GABBR2: variants seen among roughly 807,000 people sequenced by gnomAD.
GABBR2 encodes G-protein coupled receptor 51.
A neutral mutation model predicts 105.6 loss-of-function variants in GABBR2; 23 were observed. The observed-to-expected ratio is 0.22, with a 90% CI of 0.16 to 0.31. The LOEUF is 0.31. GABBR2 is among the 10% of genes least tolerant of loss of function. The pLI, the probability that GABBR2 is intolerant of heterozygous loss-of-function variation, is 1.00. For synonymous variants in GABBR2, 478 were observed against 499.7 expected (o/e 0.96, Z 0.58); for missense variants, 734 against 1,245.5 (o/e 0.59, Z 6.18).
At chr9:98,489,660 T>C (rs540342914) in intron 4 of GABBR2, among the ~76,000 whole-genome samples, 1 of 152,278 alleles carries the variant, frequency 6.6e-6, no homozygotes, top group African/African-American at 2.4e-5. Flanking sequence ...TAATATCAAC[T>C]ACTGATTTTT....
At chr9:98,512,313 C>A (rs1266623579) in intron 3 of GABBR2, among the ~76,000 whole-genome samples, 1 of 148,620 alleles carries the variant, frequency 6.7e-6, no homozygotes, top group Non-Finnish European at 1.5e-5. Context: ...ATTGAATGGG[C>A]AAAAACTGGA....
intron 3 of GABBR2, among the ~76,000 whole-genome samples, chr9:98,536,075 G>A (rs1296400959): frequency 6.6e-6 from 1 of 152,110 alleles, no homozygotes; most frequent in Non-Finnish European, 1.5e-5. Context: ...GTGCCTGTGT[G>A]GGGGCAGGGA....
intron 1 of GABBR2, among the ~76,000 whole-genome samples, chr9:98,618,515 TCTCTC>T (rs1303589861): frequency 6.6e-6 from 1 of 150,502 alleles, no homozygotes; most frequent in Non-Finnish European, 1.5e-5. Context: ...TCTCTCTCTC[TCTCTC>T]TGTCTCTCTG....
At chr9:98,546,839 T>C (rs1477645134) in intron 2 of GABBR2, among the ~76,000 whole-genome samples, 1 of 123,418 alleles carries the variant, frequency 8.1e-6, no homozygotes, top group Admixed American at 8.8e-5. Context: ...CAACTTTGTA[T>C]CTATTCTTCT....
At chr9:98,385,923 C>T in intron 10 of GABBR2, 151 bp from the exon 11 acceptor site, 1 of 632,316 alleles carries the variant, frequency 1.6e-6, no homozygotes. Context: ...CCTCAGGGGA[C>T]ACATCAGCAG....
chr9:98,498,252 G>T (rs1353179524), intron 3 of GABBR2, among the ~76,000 whole-genome samples: 1 of 152,072 alleles, frequency 6.6e-6, no homozygotes, highest in Non-Finnish European at 1.5e-5. Context: ...GGGAGTGATT[G>T]TTTAATGGGC....
intron 1 of GABBR2, among the ~76,000 whole-genome samples, chr9:98,584,457 A>G: frequency 6.6e-6 from 1 of 152,142 alleles, no homozygotes; most frequent in African/African-American, 2.4e-5. Flanking sequence ...TTCCACTGCC[A>G]AGGGCTTCTC....
At chr9:98,349,349 G>GTTTTTTTTTTT (rs1182072320) in intron 13 of GABBR2, among the ~76,000 whole-genome samples, 7 of 24,218 alleles carry the variant, frequency 2.9e-4, no homozygotes, top group East Asian at 8.7e-4. Context: ...TTGAAGTTTT[G>GTTTTTTTTTTT]TTTTTTTTTT....
At chr9:98,303,097 TG>T in intron 16 of GABBR2, 143 bp downstream of exon 16, 1 of 605,836 alleles carries the variant, frequency 1.7e-6, no homozygotes, top group Non-Finnish European at 2.9e-6. Context: ...ATGTCACCCC[TG>T]GCTCTCGCAG....
intron 6 of GABBR2, among the ~76,000 whole-genome samples, chr9:98,457,490 G>A (rs1271220353): frequency 6.6e-6 from 1 of 152,140 alleles, no homozygotes; most frequent in Non-Finnish European, 1.5e-5. Context: ...ATTTGGCCTT[G>A]AGGTCAACAA....
intron 4 of GABBR2, 103 bp downstream of exon 4, chr9:98,496,310 T>C: frequency 2.6e-6 from 2 of 764,576 alleles, no homozygotes; most frequent in Non-Finnish European, 4.7e-6. Flanking sequence ...GGAAATGAAC[T>C]TGAGACCCAG....
At chr9:98,343,821 G>A (rs1225362457) in intron 13 of GABBR2, among the ~76,000 whole-genome samples, 1 of 151,870 alleles carries the variant, frequency 6.6e-6, no homozygotes, top group East Asian at 1.9e-4. Context: ...TTGCCCCACT[G>A]CACTCCAGCC....
chr9:98,377,259 G>C (rs895828533), intron 11 of GABBR2, among the ~76,000 whole-genome samples: 1 of 152,122 alleles, frequency 6.6e-6, no homozygotes, highest in African/African-American at 2.4e-5. Context: ...GGGGGCTGCT[G>C]TGTGCCTTCA....
At chr9:98,520,342 C>T (rs1827842468) in intron 3 of GABBR2, among the ~76,000 whole-genome samples, 1 of 152,196 alleles carries the variant, frequency 6.6e-6, no homozygotes, top group African/African-American at 2.4e-5. Flanking sequence ...CAGGAGAATG[C>T]TACTCTATAC....
At chr9:98,407,093 G>A (rs4742727) in intron 7 of GABBR2, among the ~76,000 whole-genome samples, 70,576 of 152,032 alleles carry the variant, frequency 0.46, 17,227 homozygotes, top group African/African-American at 0.59. Flanking sequence ...ACTTCACTGT[G>A]GCATGTTGCT....
At chr9:98,597,636 A>T (rs1829257622) in intron 1 of GABBR2, among the ~76,000 whole-genome samples, 1 of 152,126 alleles carries the variant, frequency 6.6e-6, no homozygotes, top group African/African-American at 2.4e-5. Flanking sequence ...CTCAAGGATG[A>T]AGTGGCAGCA....
At chr9:98,383,759 G>A (rs760816311) in intron 11 of GABBR2, among the ~76,000 whole-genome samples, 3 of 152,176 alleles carry the variant, frequency 2.0e-5, no homozygotes, top group African/African-American at 2.4e-5. Context: ...TTAATCATTC[G>A]CAGAAATCCT....
intron 1 of GABBR2, among the ~76,000 whole-genome samples, chr9:98,585,622 C>G (rs1210193303): frequency 3.4e-5 from 5 of 148,794 alleles, no homozygotes; most frequent in African/African-American, 1.2e-4. Context: ...GCACATGTAC[C>G]CTAAAACTTA....
At chr9:98,609,129 T>A (rs1283787582) in intron 1 of GABBR2, among the ~76,000 whole-genome samples, 2 of 152,204 alleles carry the variant, frequency 1.3e-5, no homozygotes, top group Non-Finnish European at 2.9e-5. Context: ...TAATAAACGA[T>A]GTTGTGATAT....
Sources: gnomAD v4.1 joint callset for allele counts (sites outside exome capture counted in the v4.1 genomes callset) on GRCh38, gnomAD v4.1.1 for gene constraint, MANE v1.5 for transcripts, NCBI Gene and HGNC (gene_info 2026-07-23, HGNC 2026-07-21) for gene names.